Variants in TMEM35A observed in about 807,000 individuals in gnomAD.
The protein encoded by TMEM35A is nicotinic acetylcholine receptor chaperone.
For missense variants in TMEM35A, 83 were observed against 132.7 expected, an observed-to-expected ratio of 0.63 and a Z score of 1.84; for synonymous variants, 50 against 54.7, an observed-to-expected ratio of 0.91 and a Z score of 0.38.
At chrX:101,085,594 C>T (rs2089304787) in intron 1 of TMEM35A, among the ~76,000 whole-genome samples, 1 of 107,865 alleles carries the variant, frequency 9.3e-6, no homozygotes, top group Admixed American at 1.0e-4. Flanking sequence ...GAGTAAGAAT[C>T]CATCTCAAAA....
chrX:101,088,764 G>A (rs773571945), intron 1 of TMEM35A, among the ~76,000 whole-genome samples: 2 of 109,373 alleles, frequency 1.8e-5, no homozygotes, highest in African/African-American at 6.7e-5. Context: ...AAATTAGCTG[G>A]ATGTGGGGTA....
intron 1 of TMEM35A, among the ~76,000 whole-genome samples, chrX:101,088,853 C>T (rs1201099355): frequency 1.8e-5 from 2 of 110,206 alleles, no homozygotes; most frequent in Non-Finnish European, 3.8e-5. Context: ...TGCAGTGAGC[C>T]GAGCCACTGC....
chrX:101,082,101 T>A (rs1443861010), intron 1 of TMEM35A, among the ~76,000 whole-genome samples: 1 of 107,540 alleles, frequency 9.3e-6, no homozygotes, highest in Non-Finnish European at 1.9e-5. Flanking sequence ...TTTAGATTTT[T>A]GATTTGATTT....
rs768961300 is a variant in TMEM35A, at chrX:101,079,137, C to T, written c.120+15C>T. The T allele has an allele frequency of 8.3e-6, 10 of 1,209,463 alleles. No individual in the cohort carries two copies. The highest frequency in any genetic ancestry group is 2.2e-5 in the Admixed American group (1 of 45,859). On this transcript the variant is annotated intron_variant, in intron 1 of 1. Coordinates refer to ENST00000372930, the MANE Select transcript of TMEM35A (RefSeq NM_021637.3). ...ACAGTGAGATGGTAAGTGAAGCAAA[C>T]GGGTGATGAGGAGCGCACTCCCATG... is the stretch of plus-strand genomic sequence containing the variant.
chrX:101,080,354 G>A (rs2089288492), intron 1 of TMEM35A, among the ~76,000 whole-genome samples: 1 of 111,788 alleles, frequency 8.9e-6, no homozygotes, highest in Non-Finnish European at 1.9e-5. Context: ...ATTAATAGAT[G>A]CTCAGAAAAT....
intron 1 of TMEM35A, among the ~76,000 whole-genome samples, chrX:101,083,580 C>T (rs1171651404): frequency 1.8e-5 from 2 of 111,709 alleles, no homozygotes; most frequent in Non-Finnish European, 3.8e-5. Flanking sequence ...ATTTAATGTC[C>T]ATAGGTAATC....
Position 101,079,028 on chromosome X carries a change from T to C in TMEM35A, c.26T>C (p.Ile9Thr), listed in dbSNP as rs983261913. Residue 9 changes from isoleucine to threonine, a missense_variant, in exon 1 of 2, where the codon ATT becomes ACT. Transcript: ENST00000372930. ...ATGGCATCCCCCAGAACCGTAACTA[T>C]TGTGGCCCTCTCAGTGGCCCTGGGA... Reference protein sequence around the residue: MASPRTVTIVALSVALGLF... With the variant: MASPRTVTTVALSVALGLF... 8.3e-6 allele frequency: 10 copies of C among 1,211,618 alleles called. No individual in the cohort carries two copies. The highest frequency in any genetic ancestry group is 3.0e-5 in the East Asian group (1 of 33,809).
At chrX:101,091,696 A>C (rs1318735503) in intron 1 of TMEM35A, among the ~76,000 whole-genome samples, 1 of 111,607 alleles carries the variant, frequency 9.0e-6, no homozygotes, top group Non-Finnish European at 1.9e-5. Flanking sequence ...TCCATGATCT[A>C]ATTCATATTT....
intron 1 of TMEM35A, 144 bp downstream of exon 1, chrX:101,079,266 G>A (rs1209479160): frequency 4.2e-6 from 3 of 717,403 alleles, no homozygotes; most frequent in South Asian, 5.7e-5. Context: ...TTTGCAGCTC[G>A]GAAGGAGCAG....
At chrX:101,091,002 T>C (rs1454593099) in intron 1 of TMEM35A, among the ~76,000 whole-genome samples, 1 of 110,310 alleles carries the variant, frequency 9.1e-6, no homozygotes, top group Non-Finnish European at 1.9e-5. Flanking sequence ...CACGCCTGGG[T>C]AATTTTTTTT....
chrX:101,079,057 T>G lies in TMEM35A; in HGVS notation c.55T>G (p.Phe19Val). 1.7e-6 allele frequency: 2 copies of G among 1,211,352 alleles called. No individual in the cohort carries two copies. The highest frequency in any genetic ancestry group is 2.2e-6 in the Non-Finnish European group (2 of 895,340). The stretch of plus-strand genomic sequence containing the variant: ...GGCCCTCTCAGTGGCCCTGGGACTC[T>G]TCTTTGTTTTCATGGGGACTATCAA... ...IVALSVALGL[F>V]FVFMGTIKLT... The change falls in exon 1 of 2, where the codon TTC becomes GTC. Residue 19 changes from phenylalanine (F) to valine (V), a missense_variant. Physicochemically the swap from Phe to Val is conservative, Grantham distance 50. Transcript: ENST00000372930.
intron 1 of TMEM35A, among the ~76,000 whole-genome samples, chrX:101,092,149 G>A (rs1405908084): frequency 9.1e-6 from 1 of 110,305 alleles, no homozygotes; most frequent in Non-Finnish European, 1.9e-5. Context: ...AGCACAAGGA[G>A]GCACTTAATA....
intron 1 of TMEM35A, among the ~76,000 whole-genome samples, chrX:101,083,238 A>C (rs2148108672): frequency 8.9e-6 from 1 of 112,310 alleles, no homozygotes; most frequent in South Asian, 3.7e-4. Flanking sequence ...AATGGGAGAC[A>C]GCCCTTAAAA....
At position 101,078,894 on chromosome X, in the gene TMEM35A, T is replaced by G. The variant is rs2089283498; in HGVS notation, c.-109T>G. 6 of 1,055,244 alleles carry G rather than the reference T, an allele frequency of 5.7e-6. No individual in the cohort carries two copies. Among genetic ancestry groups the G allele is most frequent in the Non-Finnish European group, 7.8e-6 (6 of 773,063 alleles). 87.0% of individuals were successfully genotyped at this position (1,055,244 alleles called of 1,213,427 possible). On this transcript the variant is annotated 5_prime_UTR_variant, in exon 1 of 2. Transcript: ENST00000372930. ...CTCTCCCTTTGTCATTCTAGCTGCCTGCTGCCTCCGCAGCGTCCCCCCAGC... is the reference window on the plus strand; with the variant it reads ...CTCTCCCTTTGTCATTCTAGCTGCCGGCTGCCTCCGCAGCGTCCCCCCAGC...
intron 1 of TMEM35A, among the ~76,000 whole-genome samples, chrX:101,086,071 A>G (rs1316956303): frequency 5.3e-5 from 6 of 112,448 alleles, no homozygotes; most frequent in Non-Finnish European, 1.1e-4. Flanking sequence ...TGATTTTGTT[A>G]TTAAAATAAT....
At chrX:101,080,248 C>A (rs2089288107) in intron 1 of TMEM35A, among the ~76,000 whole-genome samples, 1 of 111,602 alleles carries the variant, frequency 9.0e-6, no homozygotes, top group Non-Finnish European at 1.9e-5. Context: ...AACAGCCTCA[C>A]ACATTGCGAG....
intron 1 of TMEM35A, among the ~76,000 whole-genome samples, chrX:101,092,001 A>G (rs185011258): frequency 9.0e-6 from 1 of 111,141 alleles, no homozygotes; most frequent in Admixed American, 9.7e-5. Context: ...CTGCTACATA[A>G]TTGTATCCAG....
intron 1 of TMEM35A, among the ~76,000 whole-genome samples, chrX:101,089,561 T>C (rs1431317943): frequency 2.0e-5 from 2 of 98,634 alleles, no homozygotes; most frequent in Non-Finnish European, 2.0e-5. Flanking sequence ...GCAGGCCACA[T>C]AGCCAGGGGC....
At chrX:101,094,363 C>T in intron 1 of TMEM35A, 1 of 309,724 alleles carries the variant, frequency 3.2e-6, no homozygotes, top group Middle Eastern at 9.0e-4. Flanking sequence ...GATCTGCCCA[C>T]CTCGGCCTCC....
Sources: gnomAD v4.1 joint callset for allele counts (sites outside exome capture counted in the v4.1 genomes callset) on GRCh38, gnomAD v4.1.1 for gene constraint, MANE v1.5 for transcripts, NCBI Gene and HGNC (gene_info 2026-07-23, HGNC 2026-07-21) for gene names.